BMPR1B: variants seen among roughly 807,000 people sequenced by gnomAD.
BMPR1B encodes bone morphogenetic protein receptor type-1B.
In BMPR1B, 12 loss-of-function variants were observed where a neutral mutation model predicts 59.1. That is an observed-to-expected ratio of 0.20 (90% CI 0.13 to 0.33). The LOEUF (loss-of-function observed/expected upper bound fraction) is 0.33, where lower values mean the gene tolerates loss of function less well. BMPR1B is among the 10% of genes least tolerant of loss of function. The pLI is 1.00. For missense variants in BMPR1B, 550 were observed against 610.9 expected (o/e 0.90, Z 1.05); for synonymous variants, 237 against 207.3 (o/e 1.14, Z -1.23).
chr4:95,055,953 A>G (rs1024385052), intron 3 of BMPR1B, among the ~76,000 whole-genome samples: 1 of 152,228 alleles, frequency 6.6e-6, no homozygotes, highest in African/African-American at 2.4e-5. Flanking sequence ...TTATTGATTT[A>G]GAACATTGTA....
At chr4:95,140,364 C>T (rs954233162) in intron 10 of BMPR1B, among the ~76,000 whole-genome samples, 6 of 152,120 alleles carry the variant, frequency 3.9e-5, no homozygotes, top group Non-Finnish European at 5.9e-5. Context: ...GGACGAAATC[C>T]CCCTTTCTAA....
intron 3 of BMPR1B, among the ~76,000 whole-genome samples, chr4:95,016,607 A>T (rs1490932311): frequency 6.6e-6 from 1 of 152,228 alleles, no homozygotes; most frequent in African/African-American, 2.4e-5. Context: ...TTGTAGAGAT[A>T]AGAGAAAAGA....
intron 1 of BMPR1B, among the ~76,000 whole-genome samples, chr4:94,853,484 T>A (rs1358631796): frequency 6.6e-6 from 1 of 152,212 alleles, no homozygotes; most frequent in Admixed American, 6.5e-5. Context: ...TCCATGAGGA[T>A]AATATGTATG....
intron 3 of BMPR1B, among the ~76,000 whole-genome samples, chr4:95,065,065 T>TG (rs1727693414): frequency 6.6e-6 from 1 of 152,152 alleles, no homozygotes; most frequent in African/African-American, 2.4e-5. Flanking sequence ...ACAAAAAACT[T>TG]GCACCCAGAT....
intron 3 of BMPR1B, among the ~76,000 whole-genome samples, chr4:95,015,566 T>C (rs1454230890): frequency 6.6e-6 from 1 of 152,136 alleles, no homozygotes; most frequent in Non-Finnish European, 1.5e-5. Flanking sequence ...TTTAATTTTT[T>C]TGTAGAGATA....
intron 11 of BMPR1B, 22 bp from the exon 12 acceptor site, chr4:95,152,621 A>AATG: frequency 6.6e-7 from 1 of 1,503,830 alleles, no homozygotes; most frequent in Non-Finnish European, 9.0e-7. Flanking sequence ...TAATAATAAT[A>AATG]ATAGTAACAA....
At chr4:94,977,451 A>G (rs1731070945) in intron 2 of BMPR1B, among the ~76,000 whole-genome samples, 1 of 146,904 alleles carries the variant, frequency 6.8e-6, no homozygotes, top group Non-Finnish European at 1.5e-5. Context: ...AATGCAAAAT[A>G]GTTTTATTTT....
chr4:94,928,087 T>C (rs1728957120), intron 2 of BMPR1B, among the ~76,000 whole-genome samples: 1 of 151,976 alleles, frequency 6.6e-6, no homozygotes, highest in African/African-American at 2.4e-5. Flanking sequence ...CTTATATTGC[T>C]CTAGTAGGCG....
At chr4:94,840,042 A>G (rs28827191) in intron 1 of BMPR1B, among the ~76,000 whole-genome samples, 43,080 of 151,524 alleles carry the variant, frequency 0.28, 6,797 homozygotes, top group African/African-American at 0.42. Flanking sequence ...GCTGGATATG[A>G]AATTCTGTGT....
intron 1 of BMPR1B, among the ~76,000 whole-genome samples, chr4:94,769,125 T>C (rs895215295): frequency 5.9e-5 from 9 of 152,258 alleles, no homozygotes; most frequent in Admixed American, 3.9e-4. Flanking sequence ...ATTCCTTTTT[T>C]GGCTCATCTG....
intron 2 of BMPR1B, among the ~76,000 whole-genome samples, chr4:94,942,148 T>A (rs796265943): frequency 3.8e-4 from 58 of 152,234 alleles, no homozygotes; most frequent in African/African-American, 1.3e-3. Context: ...TTTAACCATG[T>A]ATTTTTGGAT....
chr4:94,967,784 A>C (rs767735690), intron 2 of BMPR1B, among the ~76,000 whole-genome samples: 1 of 152,176 alleles, frequency 6.6e-6, no homozygotes, highest in East Asian at 1.9e-4. Flanking sequence ...CGCCTGGCCT[A>C]GAATAGATAA....
intron 1 of BMPR1B, among the ~76,000 whole-genome samples, chr4:94,803,769 A>T (rs1450303582): frequency 6.6e-6 from 1 of 152,190 alleles, no homozygotes; most frequent in African/African-American, 2.4e-5. Context: ...GTCTTTGCAT[A>T]TGCATTTCTT....
chr4:95,053,281 TTGTGTGTG>T (rs60404669), intron 3 of BMPR1B, among the ~76,000 whole-genome samples: 30,877 of 134,236 alleles, frequency 0.23, 4,015 homozygotes, highest in South Asian at 0.42. Context: ...TGCAGGGCAC[TTGTGTGTG>T]TGTGTGTGTG....
At chr4:95,057,797 A>G (rs1037467419) in intron 3 of BMPR1B, among the ~76,000 whole-genome samples, 7 of 152,148 alleles carry the variant, frequency 4.6e-5, no homozygotes, top group African/African-American at 1.7e-4. Flanking sequence ...GTGAATTGAT[A>G]TTGGCTAGCA....
intron 1 of BMPR1B, among the ~76,000 whole-genome samples, chr4:94,835,205 T>A (rs1304915727): frequency 6.6e-6 from 1 of 151,966 alleles, no homozygotes; most frequent in Non-Finnish European, 1.5e-5. Context: ...TGATTTATTT[T>A]TAATTAAAGA....
chr4:95,142,542 T>A (rs1734312329), intron 10 of BMPR1B, among the ~76,000 whole-genome samples: 1 of 152,116 alleles, frequency 6.6e-6, no homozygotes, highest in African/African-American at 2.4e-5. Flanking sequence ...CTCTTTTCTT[T>A]CTCCTGTCTA....
At chr4:94,942,432 A>G (rs1729553466) in intron 2 of BMPR1B, among the ~76,000 whole-genome samples, 1 of 152,326 alleles carries the variant, frequency 6.6e-6, no homozygotes, top group East Asian at 1.9e-4. Context: ...TCAAGATAAT[A>G]AAACAAACTT....
rs573826385 is a variant in BMPR1B, at chr4:94,962,780, A to G, written c.-112-33260A>G. On this transcript the variant is annotated intron_variant, in intron 2 of 12. Transcript: ENST00000515059. ...TAATATGAATGGTGCTGCAATAAAC[A>G]TGGGAATGTAGCTATGTGTTCTGTA... Among the ~76,000 whole-genome samples, 9 of 152,310 alleles carry G rather than the reference A, an allele frequency of 5.9e-5. No individual in the cohort carries two copies. The South Asian group carries it at 1.7e-3, about 28-fold the overall frequency.
Sources: allele counts gnomAD v4.1 joint callset (sites outside exome capture counted in the v4.1 genomes callset), GRCh38; gene constraint gnomAD v4.1.1; transcripts MANE v1.5; gene names NCBI Gene and HGNC (gene_info 2026-07-23, HGNC 2026-07-21).